Variants in SLC1A2 observed in about 807,000 individuals in gnomAD.
The protein encoded by SLC1A2 is excitatory amino acid transporter 2.
SLC1A2 carries 15 observed loss-of-function variants against 48.8 expected under a neutral mutation model. That is an observed-to-expected ratio of 0.31 (90% CI 0.21 to 0.47). SLC1A2 has a LOEUF of 0.47. SLC1A2 is among the 20% of genes least tolerant of loss of function. The probability of loss-of-function intolerance (pLI) is 0.99; values close to 1 mark genes in which losing one functional copy is unlikely to be tolerated. For missense variants in SLC1A2, 502 were observed against 730.5 expected (o/e 0.69, Z 3.61); for synonymous variants, 279 against 272.6 (o/e 1.02, Z -0.23).
At chr11:35,414,259 A>G (rs1314233084) in intron 1 of SLC1A2, among the ~76,000 whole-genome samples, 1 of 152,212 alleles carries the variant, frequency 6.6e-6, no homozygotes, top group East Asian at 1.9e-4. Flanking sequence ...AAACCAGAGC[A>G]CTAAGAAAAT....
intron 9 of SLC1A2, among the ~76,000 whole-genome samples, chr11:35,276,086 C>A (rs577833764): frequency 2.0e-5 from 3 of 152,176 alleles, no homozygotes; most frequent in Non-Finnish European, 4.4e-5. Flanking sequence ...TATTTGTATA[C>A]AAACATTCAT....
intron 9 of SLC1A2, among the ~76,000 whole-genome samples, chr11:35,270,028 G>A (rs896451754): frequency 3.3e-5 from 5 of 152,146 alleles, no homozygotes; most frequent in Admixed American, 6.5e-5. Context: ...AATCGTTTGA[G>A]CCCGGTAGGC....
chr11:35,280,723 A>G (rs1410544231), intron 9 of SLC1A2, 144 bp downstream of exon 9: 8 of 568,976 alleles, frequency 1.4e-5, no homozygotes, highest in Non-Finnish European at 2.5e-5. Context: ...ATAGGTCCTC[A>G]GTAAATGTGA....
chr11:35,317,310 C>T, intron 2 of SLC1A2, 67 bp downstream of exon 2: 1 of 1,546,108 alleles, frequency 6.5e-7, no homozygotes, highest in Non-Finnish European at 8.8e-7. Flanking sequence ...CTGAGACCAG[C>T]TGCCCCACAG....
chr11:35,307,026 A>G (rs1201800279), intron 4 of SLC1A2: 1 of 152,224 alleles, frequency 6.6e-6, no homozygotes, highest in African/African-American at 2.4e-5. Flanking sequence ...GCTCTTCCCA[A>G]TTGTGAGACC....
intron 6 of SLC1A2, among the ~76,000 whole-genome samples, chr11:35,294,391 C>T (rs1038362678): frequency 1.3e-5 from 2 of 152,130 alleles, no homozygotes; most frequent in Non-Finnish European, 2.9e-5. Context: ...CTGAGACAAA[C>T]CTGTGCTCAT....
chr11:35,358,923 G>A (rs1002170083), intron 1 of SLC1A2, among the ~76,000 whole-genome samples: 11 of 152,160 alleles, frequency 7.2e-5, no homozygotes, highest in Admixed American at 3.9e-4. Flanking sequence ...TACTTAACAA[G>A]GACCCAGAGA....
At chr11:35,263,240 T>C (rs768825847) in intron 10 of SLC1A2, among the ~76,000 whole-genome samples, 28 of 152,010 alleles carry the variant, frequency 1.8e-4, no homozygotes, top group Non-Finnish European at 2.9e-4. Context: ...CCGAGGCAGG[T>C]GGATCACCTG....
chr11:35,287,707 G>A (rs188311556), intron 7 of SLC1A2, among the ~76,000 whole-genome samples: 54 of 152,282 alleles, frequency 3.5e-4, no homozygotes, highest in African/African-American at 1.2e-3. Flanking sequence ...ACCAAGCCTC[G>A]AAGGCCAGAA....
intron 9 of SLC1A2, among the ~76,000 whole-genome samples, chr11:35,277,350 T>C (rs1243676605): frequency 6.6e-6 from 1 of 152,190 alleles, no homozygotes; most frequent in Non-Finnish European, 1.5e-5. Flanking sequence ...CAAGCTCTGC[T>C]GTGCATCAGG....
intron 1 of SLC1A2, among the ~76,000 whole-genome samples, chr11:35,361,771 G>A (rs1853688199): frequency 6.6e-6 from 1 of 152,150 alleles, no homozygotes; most frequent in African/African-American, 2.4e-5. Flanking sequence ...GAGCCTAGGA[G>A]TTCAAGACCA....
intron 6 of SLC1A2, chr11:35,298,648 G>A (rs1323164020): frequency 6.6e-6 from 1 of 152,156 alleles, no homozygotes. Flanking sequence ...TCTTATTCCT[G>A]CCTCACAACC....
Position 35,254,529 on chromosome 11 carries a change from A to C in SLC1A2, c.*6365T>G, listed in dbSNP as rs1431941739. 1 of 293,996 alleles carries C rather than the reference A, an allele frequency of 3.4e-6. No individual in the cohort carries two copies. Among genetic ancestry groups the C allele is most frequent in the African/African-American group, 2.2e-5 (1 of 44,856 alleles). 18.2% of individuals were successfully genotyped at this position (293,996 alleles called of 1,614,324 possible). A position where few individuals can be genotyped will look rare whatever the true frequency, so the allele number is the denominator to read the frequency against. On this transcript the variant is annotated 3_prime_UTR_variant, in exon 11 of 11. Coordinates refer to ENST00000278379, the MANE Select transcript of SLC1A2 (RefSeq NM_004171.4). The stretch of plus-strand genomic sequence containing the variant: ...TGGCTAGTGTGTGTATTTGCCCCCT[A>C]GCAAAGGCAACAGGCTGTTTCCAGG...
intron 1 of SLC1A2, among the ~76,000 whole-genome samples, chr11:35,344,677 C>T (rs539230273): frequency 2.6e-5 from 4 of 152,328 alleles, no homozygotes; most frequent in South Asian, 2.1e-4. Flanking sequence ...TGCCATCCCT[C>T]ACATGGTGAA....
At position 35,317,399 on chromosome 11, in the gene SLC1A2, C is replaced by T; in HGVS notation, c.135G>A (p.Leu45=). The T allele has an allele frequency of 6.2e-7, 1 of 1,614,088 alleles. No homozygotes were observed. The highest frequency in any genetic ancestry group is 8.5e-7 in the Non-Finnish European group (1 of 1,179,936). The change falls in exon 2 of 11, where the codon CTG becomes CTA. Residue 45 remains leucine (L), a synonymous_variant. Coordinates refer to ENST00000278379, the MANE Select transcript of SLC1A2 (RefSeq NM_004171.4). The stretch of plus-strand genomic sequence containing the variant: ...TACCAAACACCGTCAGGGTGAGCAG[C>T]AGATTCTTCCCCAGCTTGTCACACA... The part of the protein sequence containing the change: ...LRLCDKLGKN[L]LLTLTVFGVI...
chr11:35,336,049 A>G (rs936816668), intron 1 of SLC1A2, among the ~76,000 whole-genome samples: 1 of 152,270 alleles, frequency 6.6e-6, no homozygotes, highest in East Asian at 1.9e-4. Flanking sequence ...CATTATCCTC[A>G]TCAAACTAAT....
intron 1 of SLC1A2, among the ~76,000 whole-genome samples, chr11:35,409,162 T>C (rs1354566942): frequency 6.6e-6 from 1 of 152,256 alleles, no homozygotes; most frequent in Non-Finnish European, 1.5e-5. Context: ...TCTGAACATA[T>C]CTTAATATTT....
chr11:35,383,203 C>T (rs1854485621), intron 1 of SLC1A2, among the ~76,000 whole-genome samples: 1 of 152,076 alleles, frequency 6.6e-6, no homozygotes, highest in Admixed American at 6.6e-5. Flanking sequence ...AAGAAAAAAG[C>T]ATGCCTGAAA....
chr11:35,315,433 C>G (rs185687699), intron 2 of SLC1A2: 95 of 322,590 alleles, frequency 2.9e-4, no homozygotes, highest in African/African-American at 1.8e-3. Context: ...AAAGTGCACA[C>G]TGGCAACTTG....
Sources: allele counts gnomAD v4.1 joint callset (sites outside exome capture counted in the v4.1 genomes callset), GRCh38; gene constraint gnomAD v4.1.1; transcripts MANE v1.5; gene names NCBI Gene and HGNC (gene_info 2026-07-23, HGNC 2026-07-21).